The following DLC1 variants were observed in gnomAD, a reference collection of about 807,000 sequenced individuals.
DLC1 encodes the protein rho GTPase-activating protein 7.
In DLC1, 54 loss-of-function variants were observed where a neutral mutation model predicts 140.3. That is an observed-to-expected ratio of 0.38 (90% CI 0.31 to 0.48). DLC1 has a LOEUF of 0.48. DLC1 is among the 20% of genes least tolerant of loss of function. The pLI is 0.96. For synonymous variants in DLC1, 986 were observed against 728.1 expected (o/e 1.35, Z -5.70); for missense variants, 2,536 against 1,907.0 (o/e 1.33, Z -6.14).
intron 2 of DLC1, among the ~76,000 whole-genome samples, chr8:13,402,760 C>G (rs1181724400): frequency 6.6e-6 from 1 of 152,172 alleles, no homozygotes; most frequent in African/African-American, 2.4e-5. Context: ...TGGCCTGAAT[C>G]ACAACTTCAT....
At chr8:13,473,941 T>C (rs993427701) in intron 2 of DLC1, among the ~76,000 whole-genome samples, 1 of 152,144 alleles carries the variant, frequency 6.6e-6, no homozygotes, top group South Asian at 2.1e-4. Context: ...AGCCTGACAA[T>C]GTGATAGAAA....
chr8:13,248,496 C>A (rs886846419), intron 5 of DLC1, among the ~76,000 whole-genome samples: 1 of 152,108 alleles, frequency 6.6e-6, no homozygotes, highest in African/African-American at 2.4e-5. Flanking sequence ...CCCAGTTACT[C>A]CCCCTTATTT....
rs1050207532 is a variant in DLC1 at position 13,312,153 on chromosome 8, A to T, written c.1315-6851T>A. 3.1e-5 allele frequency among the ~76,000 whole-genome samples: 4 copies of T among 129,852 alleles called. 1 individual carries two copies. The highest frequency in any genetic ancestry group is 5.9e-5 in the African/African-American group (2 of 33,680). 85.2% of individuals were successfully genotyped at this position (129,852 alleles called of 152,430 possible). A position where few individuals can be genotyped will look rare whatever the true frequency, so the allele number is the denominator to read the frequency against. Reference sequence around the variant, plus strand: ...GAGGCGGGCGGATCACGAGGTCAGGAGATCGAGACCATCCTGGCTAACACG... The same window carrying T: ...GAGGCGGGCGGATCACGAGGTCAGGTGATCGAGACCATCCTGGCTAACACG... On this transcript the variant is annotated intron_variant, in intron 4 of 17. Coordinates refer to ENST00000276297, the MANE Select transcript of DLC1 (RefSeq NM_182643.3).
At chr8:13,529,850 T>G (rs989641553) in intron 1 of DLC1, among the ~76,000 whole-genome samples, 1 of 152,184 alleles carries the variant, frequency 6.6e-6, no homozygotes, top group African/African-American at 2.4e-5. Context: ...ATATTTTTTT[T>G]CTATTGTGAG....
At chr8:13,410,710 T>C (rs923332684) in intron 2 of DLC1, among the ~76,000 whole-genome samples, 4 of 151,864 alleles carry the variant, frequency 2.6e-5, no homozygotes, top group East Asian at 1.9e-4. Flanking sequence ...TGGAAAGATA[T>C]ATACTTGCTC....
chr8:13,259,246 G>C (rs1830385453), intron 5 of DLC1, among the ~76,000 whole-genome samples: 1 of 151,488 alleles, frequency 6.6e-6, no homozygotes, highest in Non-Finnish European at 1.5e-5. Context: ...AAATGCAAAA[G>C]GACTTGGCCG....
At chr8:13,225,977 A>G (rs1828781102) in intron 5 of DLC1, among the ~76,000 whole-genome samples, 2 of 152,016 alleles carry the variant, frequency 1.3e-5, no homozygotes, top group Non-Finnish European at 2.9e-5. Flanking sequence ...CAGTGGTGCA[A>G]TCATGGTTCA....
At chr8:13,555,794 G>A (rs556972266) in intron 1 of DLC1, among the ~76,000 whole-genome samples, 4 of 152,070 alleles carry the variant, frequency 2.6e-5, no homozygotes, top group South Asian at 2.1e-4. Flanking sequence ...GAGACACCGG[G>A]CCTGGCCTTG....
At chr8:13,577,748 G>A (rs1243982618) in intron 1 of DLC1, among the ~76,000 whole-genome samples, 1 of 152,074 alleles carries the variant, frequency 6.6e-6, no homozygotes, top group Non-Finnish European at 1.5e-5. Context: ...TTATATATGT[G>A]TGTATTTGGT....
In DLC1 at chr8:13,099,765, C is replaced by G. The variant is rs1046987046; in HGVS notation, c.2572G>C (p.Asp858His). The G allele has an allele frequency of 6.2e-7, 1 of 1,613,966 alleles. No individual in the cohort carries two copies. The highest frequency in any genetic ancestry group is 8.5e-7 in the Non-Finnish European group (1 of 1,180,044). Residue 858 changes from aspartate (D) to histidine (H), a missense_variant, in exon 9 of 18, where the codon GAC becomes CAC. Coordinates refer to ENST00000276297, the MANE Select transcript of DLC1 (RefSeq NM_182643.3). ...HISLRRENSSDSPKELKRRNS... is the reference protein window; with the variant it reads ...HISLRRENSSHSPKELKRRNS... ...CGTCTCTTCAGTTCCTTGGGGCTGT[C>G]GCTACTGTTTTCCCTCCTGAGGCTG... is the stretch of plus-strand genomic sequence containing the variant.
chr8:13,303,213 A>G (rs1016039878), intron 5 of DLC1, among the ~76,000 whole-genome samples: 1 of 152,236 alleles, frequency 6.6e-6, no homozygotes, highest in Non-Finnish European at 1.5e-5. Context: ...ATATTTTCAT[A>G]AAGAGCAGAA....
At chr8:13,267,297 TG>T (rs759527125) in intron 5 of DLC1, among the ~76,000 whole-genome samples, 3 of 152,160 alleles carry the variant, frequency 2.0e-5, no homozygotes. Flanking sequence ...AGATTAGGAA[TG>T]TTCTTACTCA....
At chr8:13,280,696 C>G (rs893688717) in intron 5 of DLC1, among the ~76,000 whole-genome samples, 1 of 152,146 alleles carries the variant, frequency 6.6e-6, no homozygotes, top group Non-Finnish European at 1.5e-5. Flanking sequence ...CCACTTTGGT[C>G]TTATGGCCAC....
intron 5 of DLC1, among the ~76,000 whole-genome samples, chr8:13,286,533 A>C (rs189912209): frequency 6.6e-5 from 10 of 152,306 alleles, no homozygotes; most frequent in African/African-American, 2.2e-4. Context: ...TTTCTATTGT[A>C]TCACATTATT....
In DLC1 at chr8:13,254,412, C is replaced by T. The variant is rs577463238; in HGVS notation, c.1348+50857G>A. On this transcript the variant is annotated intron_variant, in intron 5 of 17. Transcript: ENST00000276297. ...TTCTATGTGTACCCTTTCACATCTC[C>T]AGATCGTTGAAGAACAAGAGAAAAT... Among the ~76,000 whole-genome samples the T allele has an allele frequency of 1.2e-4, 19 of 152,192 alleles. No homozygotes were observed. In the South Asian group the frequency reaches 3.9e-3, roughly 32 times the overall value.
intron 5 of DLC1, among the ~76,000 whole-genome samples, chr8:13,153,679 C>A (rs895193120): frequency 6.6e-6 from 1 of 152,124 alleles, no homozygotes; most frequent in South Asian, 2.1e-4. Context: ...CATTTACCAT[C>A]CTTTAGCTAG....
At chr8:13,098,039 A>G (rs1818658881) in intron 10 of DLC1, among the ~76,000 whole-genome samples, 2 of 149,186 alleles carry the variant, frequency 1.3e-5, no homozygotes, top group Admixed American at 6.7e-5. Flanking sequence ...AAAAAGAAAA[A>G]AAAAAAAAAA....
chr8:13,230,810 T>C (rs1375085987), intron 5 of DLC1, among the ~76,000 whole-genome samples: 1 of 152,110 alleles, frequency 6.6e-6, no homozygotes, highest in Non-Finnish European at 1.5e-5. Context: ...TTGGCCAGGC[T>C]GGTCTCGAAC....
intron 4 of DLC1, among the ~76,000 whole-genome samples, chr8:13,315,097 G>A (rs1413472130): frequency 2.6e-5 from 4 of 152,180 alleles, no homozygotes; most frequent in Non-Finnish European, 4.4e-5. Context: ...TAAGGAAGAA[G>A]TTTATGACAC....
Sources: gnomAD v4.1 joint callset for allele counts (sites outside exome capture counted in the v4.1 genomes callset) on GRCh38, gnomAD v4.1.1 for gene constraint, MANE v1.5 for transcripts, NCBI Gene and HGNC (gene_info 2026-07-23, HGNC 2026-07-21) for gene names.